Variants in LRP2 observed in about 807,000 individuals in gnomAD.
LRP2 encodes the protein LDL receptor related protein 2, also known as low-density lipoprotein receptor-related protein 2.
Under a neutral mutation model 531.0 loss-of-function variants are expected in LRP2, and 172 were observed. The ratio of observed to expected loss-of-function variants is 0.32; its 90% confidence interval spans 0.29 to 0.37. The LOEUF is 0.37. Among genes scored for constraint, LRP2 ranks in the 10% least tolerant of loss-of-function variants. The pLI, the probability that LRP2 is intolerant of heterozygous loss-of-function variation, is 1.00. For synonymous variants in LRP2, 1,992 were observed against 2,027.6 expected, an observed-to-expected ratio of 0.98 and a Z score of 0.47; for missense variants, 5,167 against 5,868.3, an observed-to-expected ratio of 0.88 and a Z score of 3.90.
intron 41 of LRP2, among the ~76,000 whole-genome samples, chr2:169,204,627 G>T (rs1019756272): frequency 6.6e-6 from 1 of 152,124 alleles, no homozygotes; most frequent in Non-Finnish European, 1.5e-5. Context: ...CACTTCCTTA[G>T]TGACTTTTTC....
chr2:169,140,250 C>T (rs1236384430), intron 72 of LRP2, among the ~76,000 whole-genome samples: 1 of 152,246 alleles, frequency 6.6e-6, no homozygotes. Context: ...TGAACCAGAT[C>T]TCCACGGGAT....
rs753776891 is a variant in LRP2 at position 169,294,612 on chromosome 2, C to T, written c.526G>A (p.Glu176Lys). The change falls in exon 5 of 79, where the codon GAA (glutamate) becomes AAA (lysine). Residue 176 changes from glutamate (E) to lysine (K), a missense_variant. This residue lies in a region of LRP2 where 2,811 missense variants were observed against 3,058.0 expected (regional missense o/e 0.92). Transcript: ENST00000649046. ...WKVDCRDSSD[E>K]INCTEICLHN... is the part of the protein sequence containing the mutation. ...GCACAATACTTACTGCAGTTGATTTCATCTGAGGAGTCCCTGCAATCAACT... is the reference window on the plus strand; with the variant it reads ...GCACAATACTTACTGCAGTTGATTTTATCTGAGGAGTCCCTGCAATCAACT... The T allele has an allele frequency of 6.2e-7, 1 of 1,603,062 alleles. No individual in the cohort carries two copies. Among genetic ancestry groups the T allele is most frequent in the Non-Finnish European group, 8.5e-7 (1 of 1,173,348 alleles).
At chr2:169,264,666 CTAAG>C (rs934984213) in intron 16 of LRP2, among the ~76,000 whole-genome samples, 8 of 152,082 alleles carry the variant, frequency 5.3e-5, no homozygotes, top group African/African-American at 1.9e-4. Flanking sequence ...ATGCTACAAA[CTAAG>C]TGTCAACAGA....
intron 4 of LRP2, among the ~76,000 whole-genome samples, chr2:169,304,643 C>A (rs985427390): frequency 6.6e-6 from 1 of 152,192 alleles, no homozygotes; most frequent in Non-Finnish European, 1.5e-5. Flanking sequence ...CATCCAGACA[C>A]ACGCTACCAT....
At chr2:169,228,311 TAAA>T (rs56358282) in intron 31 of LRP2, among the ~76,000 whole-genome samples, 21 of 133,170 alleles carry the variant, frequency 1.6e-4, no homozygotes, top group Admixed American at 2.3e-4. Context: ...ACTGCAACAG[TAAA>T]AAAAAAAAAA....
chr2:169,215,800 C>T (rs1412835685), intron 35 of LRP2, among the ~76,000 whole-genome samples: 9 of 146,888 alleles, frequency 6.1e-5, no homozygotes, highest in African/African-American at 1.7e-4. Flanking sequence ...TATATAGATT[C>T]TATATACCAT....
intron 14 of LRP2, among the ~76,000 whole-genome samples, chr2:169,273,837 A>T (rs1295828036): frequency 6.6e-6 from 1 of 152,184 alleles, no homozygotes; most frequent in Non-Finnish European, 1.5e-5. Context: ...TGAAAATAGT[A>T]ATTTGAGTGA....
intron 1 of LRP2, among the ~76,000 whole-genome samples, chr2:169,356,755 T>C (rs889167213): frequency 6.6e-6 from 1 of 152,204 alleles, no homozygotes. Flanking sequence ...AAACAACTAC[T>C]AGCTGATCAT....
chr2:169,299,131 G>GAAAAAAAGAAAGAAAGAA (rs1279948123), intron 4 of LRP2, among the ~76,000 whole-genome samples: 14 of 72,122 alleles, frequency 1.9e-4, no homozygotes, highest in African/African-American at 6.8e-4. Context: ...AAGAAAGAAA[G>GAAAAAAAGAAAGAAAGAA]AAAGAAAGAA....
At chr2:169,316,338 A>G (rs561305155) in intron 3 of LRP2, among the ~76,000 whole-genome samples, 2 of 152,228 alleles carry the variant, frequency 1.3e-5, no homozygotes, top group African/African-American at 4.8e-5. Flanking sequence ...TAGCCTTTTC[A>G]TGTTAATTGA....
intron 43 of LRP2, 22 bp from the exon 44 acceptor site, chr2:169,201,892 G>C: frequency 6.2e-7 from 1 of 1,613,582 alleles, no homozygotes; most frequent in African/African-American, 1.3e-5. Flanking sequence ...AAAAACATGA[G>C]AACAAACCCT....
At chr2:169,282,124 C>A (rs1683720227) in intron 10 of LRP2, among the ~76,000 whole-genome samples, 1 of 152,118 alleles carries the variant, frequency 6.6e-6, no homozygotes, top group Non-Finnish European at 1.5e-5. Flanking sequence ...TACTACACAG[C>A]AAATCAGGTA....
At chr2:169,282,490 A>G (rs1452401392) in intron 10 of LRP2, among the ~76,000 whole-genome samples, 1 of 152,230 alleles carries the variant, frequency 6.6e-6, no homozygotes, top group Non-Finnish European at 1.5e-5. Flanking sequence ...AACACTGTGA[A>G]AATTATTTCT....
chr2:169,311,587 T>C (rs898828307), intron 3 of LRP2, among the ~76,000 whole-genome samples: 2 of 152,228 alleles, frequency 1.3e-5, no homozygotes, highest in Non-Finnish European at 2.9e-5. Context: ...ATTTCTGTCC[T>C]TTTACATTTG....
chr2:169,129,124 A>T, intron 77 of LRP2, 40 bp from the exon 78 acceptor site: 1 of 1,379,060 alleles, frequency 7.3e-7, no homozygotes, highest in Non-Finnish European at 1.0e-6. Context: ...TCAGTAATGG[A>T]ATTATTTTGT....
chr2:169,336,330 G>T (rs1473233964), intron 1 of LRP2, among the ~76,000 whole-genome samples: 2 of 151,868 alleles, frequency 1.3e-5, no homozygotes, highest in East Asian at 3.9e-4. Context: ...TGGAGGTCAG[G>T]AGTTCAACAC....
At chr2:169,154,063 A>T (rs1686244118) in intron 66 of LRP2, among the ~76,000 whole-genome samples, 1 of 152,242 alleles carries the variant, frequency 6.6e-6, no homozygotes, top group Non-Finnish European at 1.5e-5. Context: ...GAGCAATCAT[A>T]GAACTCTGCC....
chr2:169,135,042 A>G (rs1487858820), intron 76 of LRP2, among the ~76,000 whole-genome samples: 2 of 152,086 alleles, frequency 1.3e-5, no homozygotes, highest in Non-Finnish European at 2.9e-5. Flanking sequence ...CACAAGGCAA[A>G]TGGTTCTTAG....
At chr2:169,138,209 A>C (rs1685588729) in intron 75 of LRP2, among the ~76,000 whole-genome samples, 1 of 152,214 alleles carries the variant, frequency 6.6e-6, no homozygotes, top group Non-Finnish European at 1.5e-5. Context: ...GACACTAGGA[A>C]AAATATAGTT....
Sources: allele counts gnomAD v4.1 joint callset (sites outside exome capture counted in the v4.1 genomes callset), GRCh38; gene constraint gnomAD v4.1.1; regional missense constraint gnomAD v4.1.1; transcripts MANE v1.5; gene names NCBI Gene and HGNC (gene_info 2026-07-23, HGNC 2026-07-21).